Variants in DCAF5 observed in about 807,000 individuals in gnomAD.
DCAF5 encodes the protein DDB1- and CUL4-associated factor 5.
In DCAF5, 9 loss-of-function variants were observed where a neutral mutation model predicts 80.7. The observed-to-expected ratio is 0.11, with a 90% CI of 0.07 to 0.19. The LOEUF is 0.19. Among genes scored for constraint, DCAF5 ranks in the 10% least tolerant of loss-of-function variants. The probability of loss-of-function intolerance (pLI) is 1.00; values close to 1 mark genes in which losing one functional copy is unlikely to be tolerated. For synonymous variants in DCAF5, 433 were observed against 461.9 expected (o/e 0.94, Z 0.80); for missense variants, 842 against 1,205.7 (o/e 0.70, Z 4.47).
At chr14:69,142,106 G>A (rs139971753) in intron 1 of DCAF5, among the ~76,000 whole-genome samples, 2,026 of 152,186 alleles carry the variant, frequency 0.013, 42 homozygotes, top group African/African-American at 0.047. Context: ...ACCAGCCTGG[G>A]CAAAATAGTG....
At chr14:69,116,223 G>T in intron 5 of DCAF5, 143 bp downstream of exon 5, 1 of 984,152 alleles carries the variant, frequency 1.0e-6, no homozygotes, top group Non-Finnish European at 1.5e-6. Flanking sequence ...AAGCTCTCCT[G>T]GCTTGAGAGA....
intron 5 of DCAF5, among the ~76,000 whole-genome samples, chr14:69,106,099 A>G (rs1169578500): frequency 6.6e-6 from 1 of 150,944 alleles, no homozygotes; most frequent in East Asian, 2.0e-4. Flanking sequence ...TTTTTTGCCC[A>G]GGATGGAGTG....
intron 7 of DCAF5, among the ~76,000 whole-genome samples, chr14:69,070,133 T>G (rs998769937): frequency 2.6e-5 from 4 of 152,224 alleles, no homozygotes; most frequent in Non-Finnish European, 4.4e-5. Context: ...ACATTATGCT[T>G]CTTTCCATAA....
At chr14:69,073,678 A>C (rs551083944) in intron 7 of DCAF5, among the ~76,000 whole-genome samples, 43 of 151,438 alleles carry the variant, frequency 2.8e-4, no homozygotes, top group Middle Eastern at 6.9e-3. Flanking sequence ...AGAAAGCAGC[A>C]GGGAGAAGAA....
At chr14:69,126,107 A>C (rs1353578531) in intron 1 of DCAF5, among the ~76,000 whole-genome samples, 1 of 152,116 alleles carries the variant, frequency 6.6e-6, no homozygotes, top group Non-Finnish European at 1.5e-5. Context: ...GAAAAATTAT[A>C]AAACTCTAAT....
In DCAF5 at chr14:69,122,338, C is replaced by A. The variant is rs1464189322; in HGVS notation, c.237G>T (p.Leu79=). ...LVSGGDDRRV[L]LWHMEQAIHS... ...GGATGGCTTGTTCCATGTGCCATAGCAGAACCCGGCGGTCATCTCCTCCTT... is the reference window on the plus strand; with the variant it reads ...GGATGGCTTGTTCCATGTGCCATAGAAGAACCCGGCGGTCATCTCCTCCTT... Residue 79 remains leucine (L), a synonymous_variant, in exon 2 of 9, where the codon CTG becomes CTT. Transcript: ENST00000341516. 1 of 1,612,230 alleles carries A rather than the reference C, an allele frequency of 6.2e-7. No homozygotes were observed. The highest frequency in any genetic ancestry group is 2.2e-5 in the East Asian group (1 of 44,872).
intron 8 of DCAF5, among the ~76,000 whole-genome samples, chr14:69,058,066 A>C (rs892371996): frequency 3.3e-5 from 5 of 152,156 alleles, no homozygotes; most frequent in African/African-American, 1.2e-4. Flanking sequence ...CCTCAGAGAA[A>C]CTTCTGAACA....
At position 69,091,676 on chromosome 14, in the gene DCAF5, G is replaced by C; in HGVS notation, c.877C>G (p.Gln293Glu). ...KSCCFAGDRD[Q>E]YILSGSDDFN... is the part of the protein sequence containing the mutation. ...TGCAGGAGGCAGACAGCATTTACCT[G>C]GTCACGATCTCCTGCAAAACAGCAG... Residue 293 changes from glutamine to glutamate, a missense_variant and splice_region_variant, in exon 6 of 9, where the codon CAG (glutamine) becomes GAG (glutamate). Gln to Glu is a conservative substitution (Grantham distance 29). Coordinates refer to ENST00000341516, the MANE Select transcript of DCAF5 (RefSeq NM_003861.3). 1 of 1,613,742 alleles carries C rather than the reference G, an allele frequency of 6.2e-7. No individual in the cohort carries two copies. Among genetic ancestry groups the C allele is most frequent in the Non-Finnish European group, 8.5e-7 (1 of 1,179,656 alleles).
In DCAF5 at chr14:69,051,925, C is replaced by T. The variant is rs2037775279; in HGVS notation, c.*1932G>A. The T allele has an allele frequency of 6.6e-6, 1 of 152,490 alleles. No homozygotes were observed. The highest frequency in any genetic ancestry group is 1.9e-4 in the East Asian group (1 of 5,198). 9.4% of individuals were successfully genotyped at this position (152,490 alleles called of 1,614,324 possible). A position where few individuals can be genotyped will look rare whatever the true frequency, so the allele number is the denominator to read the frequency against. Reference sequence around the variant, plus strand: ...TTTTGGAAAAGCAAATGTAAAATGACTTGGGCTTATAAAACCAGCATTTAC... The same window carrying T: ...TTTTGGAAAAGCAAATGTAAAATGATTTGGGCTTATAAAACCAGCATTTAC... On this transcript the variant is annotated 3_prime_UTR_variant, in exon 9 of 9. Transcript: ENST00000341516.
intron 2 of DCAF5, among the ~76,000 whole-genome samples, chr14:69,121,299 G>C (rs1053803978): frequency 6.6e-6 from 1 of 152,102 alleles, no homozygotes; most frequent in Non-Finnish European, 1.5e-5. Context: ...ATCACAGAAG[G>C]CCATTGCAAA....
rs144976862 is a variant in DCAF5 at position 69,150,480 on chromosome 14, C to A, written c.214+2285G>T. 2.8e-3 allele frequency among the ~76,000 whole-genome samples: 427 copies of A among 152,186 alleles called. 2 individuals carry two copies. Among genetic ancestry groups the A allele is most frequent in the African/African-American group, 9.9e-3 (412 of 41,508 alleles). On this transcript the variant is annotated intron_variant, in intron 1 of 8. Transcript: ENST00000341516. ...ATTTAAGATACAGGGGAGCGTCCTG[C>A]CCAAGGATAAAAGTAGTAATAACTG...
At chr14:69,078,036 G>A (rs1002004238) in intron 6 of DCAF5, among the ~76,000 whole-genome samples, 1 of 152,172 alleles carries the variant, frequency 6.6e-6, no homozygotes, top group African/African-American at 2.4e-5. Flanking sequence ...AATGTTGGAG[G>A]CTGGATTAGA....
intron 5 of DCAF5, among the ~76,000 whole-genome samples, chr14:69,106,423 C>A (rs1370635345): frequency 6.6e-6 from 1 of 151,736 alleles, no homozygotes; most frequent in Non-Finnish European, 1.5e-5. Flanking sequence ...GGATGGAGTG[C>A]AGTGGTGCAA....
At chr14:69,131,801 G>C (rs2041046223) in intron 1 of DCAF5, among the ~76,000 whole-genome samples, 1 of 146,792 alleles carries the variant, frequency 6.8e-6, no homozygotes, top group African/African-American at 2.5e-5. Context: ...TTCAAGTATA[G>C]AGTTTTGTGG....
intron 5 of DCAF5, among the ~76,000 whole-genome samples, chr14:69,102,269 C>T (rs909718682): frequency 7.3e-5 from 11 of 151,714 alleles, no homozygotes; most frequent in Admixed American, 4.6e-4. Context: ...TCACCATGCC[C>T]GGCTAATTTT....
chr14:69,137,409 G>A (rs552999748), intron 1 of DCAF5, among the ~76,000 whole-genome samples: 8 of 152,128 alleles, frequency 5.3e-5, no homozygotes, highest in African/African-American at 1.7e-4. Context: ...TCACAAATAC[G>A]CTCCATCCAT....
intron 7 of DCAF5, among the ~76,000 whole-genome samples, chr14:69,063,258 G>A (rs1487090112): frequency 1.3e-5 from 2 of 152,212 alleles, no homozygotes; most frequent in Non-Finnish European, 2.9e-5. Flanking sequence ...TTCAGTGAAT[G>A]AGAAAAGTGC....
At chr14:69,123,165 C>A (rs2040775009) in intron 1 of DCAF5, among the ~76,000 whole-genome samples, 2 of 152,170 alleles carry the variant, frequency 1.3e-5, no homozygotes, top group East Asian at 1.9e-4. Flanking sequence ...GTTGTTAGAT[C>A]TATACAAAAG....
At chr14:69,065,512 T>C (rs2038404181) in intron 7 of DCAF5, among the ~76,000 whole-genome samples, 2 of 152,164 alleles carry the variant, frequency 1.3e-5, no homozygotes, top group Non-Finnish European at 2.9e-5. Flanking sequence ...CAGAGACTGA[T>C]GGTGAAAATA....
Sources: gnomAD v4.1 joint callset for allele counts (sites outside exome capture counted in the v4.1 genomes callset) on GRCh38, gnomAD v4.1.1 for gene constraint, MANE v1.5 for transcripts, NCBI Gene and HGNC (gene_info 2026-07-23, HGNC 2026-07-21) for gene names.